Variants in FGF7 observed in about 807,000 individuals in gnomAD.
FGF7 encodes fibroblast growth factor 7, also known as FGF-7.
A neutral mutation model predicts 20.5 loss-of-function variants in FGF7; 6 were observed. The observed-to-expected ratio is 0.29, with a 90% CI of 0.16 to 0.58. The LOEUF is 0.58. Among genes scored for constraint, FGF7 ranks in the 20% least tolerant of loss-of-function variants. The pLI is 0.90. For missense variants in FGF7, 144 were observed against 228.8 expected, an observed-to-expected ratio of 0.63 and a Z score of 2.39; for synonymous variants, 64 against 74.7, an observed-to-expected ratio of 0.86 and a Z score of 0.74.
At chr15:49,424,777 A>C in intron 2 of FGF7, 194 bp downstream of exon 2, 1 of 435,032 alleles carries the variant, frequency 2.3e-6, no homozygotes, top group South Asian at 6.1e-5. Flanking sequence ...ATCTACTTAC[A>C]TTATAGTTGG....
At chr15:49,446,202 CTT>C (rs988196105) in intron 2 of FGF7, among the ~76,000 whole-genome samples, 1 of 151,230 alleles carries the variant, frequency 6.6e-6, no homozygotes, top group African/African-American at 2.4e-5. Flanking sequence ...ACACTTTTTT[CTT>C]TTTAAGTTAA....
intron 2 of FGF7, among the ~76,000 whole-genome samples, chr15:49,481,252 A>G (rs2055915784): frequency 6.6e-6 from 1 of 152,262 alleles, no homozygotes; most frequent in African/African-American, 2.4e-5. Flanking sequence ...GGCAAAAGCC[A>G]CAATTACTTT....
chr15:49,467,569 C>G (rs1434644506), intron 2 of FGF7, among the ~76,000 whole-genome samples: 1 of 152,046 alleles, frequency 6.6e-6, no homozygotes, highest in Non-Finnish European at 1.5e-5. Context: ...CAACTATTTC[C>G]ATTTCATATA....
At position 49,484,588 on chromosome 15, in the gene FGF7, C is replaced by T; in HGVS notation, c.*84C>T. On this transcript the variant is annotated 3_prime_UTR_variant, in exon 4 of 4. Transcript: ENST00000267843. ...TTCTTTCTTCTCAAAATTTTCTTTC[C>T]TTTTATTTTTTAGTAATCAAGAAAG... The T allele has an allele frequency of 1.5e-6, 1 of 654,636 alleles. No homozygotes were observed. The highest frequency in any genetic ancestry group is 2.4e-6 in the Non-Finnish European group (1 of 423,186). The allele number at this position is 654,636 out of a possible 1,614,324, so 40.6% of individuals were successfully genotyped here.
chr15:49,465,576 T>G (rs540520189), intron 2 of FGF7, among the ~76,000 whole-genome samples: 1 of 141,744 alleles, frequency 7.1e-6, no homozygotes, highest in South Asian at 2.2e-4. Context: ...TCAAGAGAGA[T>G]TTAGCCAAAA....
At chr15:49,439,853 C>A (rs1431588408) in intron 2 of FGF7, among the ~76,000 whole-genome samples, 1 of 151,718 alleles carries the variant, frequency 6.6e-6, no homozygotes, top group Non-Finnish European at 1.5e-5. Flanking sequence ...CAACTCCACT[C>A]TGGAATTACA....
chr15:49,482,228 A>C (rs8040716), intron 2 of FGF7, among the ~76,000 whole-genome samples: 27,980 of 152,000 alleles, frequency 0.18, 3,172 homozygotes, highest in Non-Finnish European at 0.25. Context: ...CATTTTAATA[A>C]ATATCTTGAG....
chr15:49,442,625 T>A (rs1433776974), intron 2 of FGF7, among the ~76,000 whole-genome samples: 1 of 151,652 alleles, frequency 6.6e-6, no homozygotes, highest in Admixed American at 6.6e-5. Flanking sequence ...TTGCATAGAG[T>A]AGTTACTCAC....
rs112752719 is a variant in FGF7 at position 49,427,214 on chromosome 15, A to G, written c.286+2631A>G. Reference sequence around the variant, plus strand: ...TGCTATATTAGGAAATCTAGGTTCAAAAAATGCTCAGAATTTGTTTAAAAT... The same window carrying G: ...TGCTATATTAGGAAATCTAGGTTCAGAAAATGCTCAGAATTTGTTTAAAAT... On this transcript the variant is annotated intron_variant, in intron 2 of 3. Transcript: ENST00000267843. Among the ~76,000 whole-genome samples, 754 of 152,188 alleles carry G rather than the reference A, an allele frequency of 5.0e-3. 5 individuals are homozygous for G. The highest frequency in any genetic ancestry group is 0.017 in the African/African-American group (722 of 41,566).
Position 49,485,407 on chromosome 15 carries a change from G to A in FGF7, c.*903G>A, listed in dbSNP as rs2056321624. ...ATCATGCTTTTTTCCTATGGTTACAGCATTAAACTCTATTTTAAGTTGTTT... is the reference window on the plus strand; with the variant it reads ...ATCATGCTTTTTTCCTATGGTTACAACATTAAACTCTATTTTAAGTTGTTT... On this transcript the variant is annotated 3_prime_UTR_variant, in exon 4 of 4. Coordinates refer to ENST00000267843, the MANE Select transcript of FGF7 (RefSeq NM_002009.4). The A allele has an allele frequency of 6.6e-6, 1 of 151,838 alleles. No homozygotes were observed. The highest frequency in any genetic ancestry group is 1.5e-5 in the Non-Finnish European group (1 of 67,856). The allele number at this position is 151,838 out of a possible 1,614,324, so 9.4% of individuals were successfully genotyped here.
At position 49,445,309 on chromosome 15, in the gene FGF7, G is replaced by A. The variant is rs546910328; in HGVS notation, c.286+20726G>A. Among the ~76,000 whole-genome samples, 139 of 151,512 alleles carry A rather than the reference G, an allele frequency of 9.2e-4. 5 individuals are homozygous for A. In the South Asian group the frequency reaches 0.027, roughly 30 times the overall value. On this transcript the variant is annotated intron_variant, in intron 2 of 3. Transcript: ENST00000267843. ...CTAGTAGTTCCCAGTTTGTATTGTT[G>A]CCATTTTTAAGTCCATGAGTATTCA...
At chr15:49,482,250 T>C (rs2056020564) in intron 2 of FGF7, among the ~76,000 whole-genome samples, 2 of 152,056 alleles carry the variant, frequency 1.3e-5, no homozygotes, top group African/African-American at 4.8e-5. Flanking sequence ...TTTTACTTTA[T>C]TTAGTGTGTC....
chr15:49,465,298 C>A (rs375965319), intron 2 of FGF7, among the ~76,000 whole-genome samples: 1 of 130,516 alleles, frequency 7.7e-6, no homozygotes. Context: ...TCTGGCTTTT[C>A]TTTTTCTTTT....
At chr15:49,430,337 T>C (rs879667286) in intron 2 of FGF7, among the ~76,000 whole-genome samples, 14 of 151,870 alleles carry the variant, frequency 9.2e-5, no homozygotes, top group Non-Finnish European at 1.9e-4. Context: ...TGTCTGCTTA[T>C]TCTGCACTTA....
chr15:49,440,219 T>C (rs1190016272), intron 2 of FGF7, among the ~76,000 whole-genome samples: 1 of 151,812 alleles, frequency 6.6e-6, no homozygotes, highest in Non-Finnish European at 1.5e-5. Context: ...ATTATTACTG[T>C]GGTTTGTAAC....
chr15:49,447,753 C>T (rs565583999), intron 2 of FGF7, among the ~76,000 whole-genome samples: 7 of 151,686 alleles, frequency 4.6e-5, no homozygotes, highest in African/African-American at 1.7e-4. Context: ...TGACTTTGTC[C>T]TCATTACTGC....
chr15:49,442,623 A>C (rs1303672041), intron 2 of FGF7, among the ~76,000 whole-genome samples: 1 of 151,656 alleles, frequency 6.6e-6, no homozygotes, highest in Non-Finnish European at 1.5e-5. Flanking sequence ...CTTTGCATAG[A>C]GTAGTTACTC....
chr15:49,468,937 C>G (rs935558889), intron 2 of FGF7, among the ~76,000 whole-genome samples: 4 of 151,962 alleles, frequency 2.6e-5, no homozygotes, highest in Non-Finnish European at 5.9e-5. Context: ...TTGAAAAAGT[C>G]AATTTTGAAT....
chr15:49,472,760 A>G (rs2054893515), intron 2 of FGF7, among the ~76,000 whole-genome samples: 1 of 152,218 alleles, frequency 6.6e-6, no homozygotes, highest in African/African-American at 2.4e-5. Context: ...GAAAAGGGCT[A>G]GAATCAAAAC....
Sources: gnomAD v4.1 joint callset for allele counts (sites outside exome capture counted in the v4.1 genomes callset) on GRCh38, gnomAD v4.1.1 for gene constraint, MANE v1.5 for transcripts, NCBI Gene and HGNC (gene_info 2026-07-23, HGNC 2026-07-21) for gene names.